SNX22: variants seen among roughly 807,000 people sequenced by gnomAD.
The protein encoded by SNX22 is sorting nexin-22.
SNX22 carries 23 observed loss-of-function variants against 24.7 expected under a neutral mutation model. The ratio of observed to expected loss-of-function variants is 0.93; its 90% CI spans 0.67 to 1.32. The LOEUF (loss-of-function observed/expected upper bound fraction) is 1.32. Ranked by LOEUF, SNX22 falls within the 40% of genes most tolerant of loss-of-function variation. The pLI is 0.00. For synonymous variants in SNX22, 99 were observed against 104.0 expected (o/e 0.95, Z 0.29); for missense variants, 261 against 249.9 (o/e 1.04, Z -0.30).
At chr15:64,153,166 G>A (rs2081499744) in intron 3 of SNX22, 79 bp from the exon 4 acceptor site, 2 of 1,535,698 alleles carry the variant, frequency 1.3e-6, no homozygotes, top group Admixed American at 3.5e-5. Flanking sequence ...TTGGAACAAA[G>A]AGCCCTGCAT....
chr15:64,154,420 T>C lies in SNX22; in HGVS notation c.494T>C (p.Leu165Pro). The change falls in exon 7 of 7, where the codon CTC becomes CCC. Residue 165 changes from leucine (L) to proline (P), a missense_variant. Transcript: ENST00000325881. ...CCCAACGTGGTGGTGAATGGTGTGCTCCAGGGCCTCTACAGCTTCAGCATC... is the reference window on the plus strand; with the variant it reads ...CCCAACGTGGTGGTGAATGGTGTGCCCCAGGGCCTCTACAGCTTCAGCATC... Reference protein sequence around the residue: ...SLPNVVVNGVLQGLYSFSISP... With the variant: ...SLPNVVVNGVPQGLYSFSISP... 2 of 1,614,140 alleles carry C rather than the reference T, an allele frequency of 1.2e-6. No individual in the cohort carries two copies. Among genetic ancestry groups the C allele is most frequent in the Non-Finnish European group, 1.7e-6 (2 of 1,180,014 alleles).
Position 64,156,426 on chromosome 15 carries a change from A to G in SNX22, c.*1918A>G, listed in dbSNP as rs1270847684. The G allele has an allele frequency of 3.6e-5, 22 of 617,826 alleles. No homozygotes were observed. The South Asian group carries it at 4.2e-4, about 12-fold the overall frequency. 38.3% of individuals were successfully genotyped at this position (617,826 alleles called of 1,614,324 possible). A position where few individuals can be genotyped will look rare whatever the true frequency, so the allele number is the denominator to read the frequency against. Reference sequence around the variant, plus strand: ...CCAGGGCATGTGGCTTCTCAGGGACATTGCGTTCAGCTGCACTCTGTATAC... The same window carrying G: ...CCAGGGCATGTGGCTTCTCAGGGACGTTGCGTTCAGCTGCACTCTGTATAC... On this transcript the variant is annotated 3_prime_UTR_variant, in exon 7 of 7. Transcript: ENST00000325881. The surrounding 1 kb of genome is among the most constrained non-coding windows in gnomAD (Gnocchi z 6.4).
chr15:64,153,345 G>C lies in SNX22; in HGVS notation c.359+6G>C. On this transcript the variant is annotated splice_donor_region_variant and intron_variant, in intron 4 of 6. Coordinates refer to ENST00000325881, the MANE Select transcript of SNX22 (RefSeq NM_024798.3). ...CCCAAGGCTAGCAACTGGGGGTAAG[G>C]GGGGCCGATGGCGGGGGCCAGGGGC... is the stretch of plus-strand genomic sequence containing the variant. 1 of 1,613,216 alleles carries C rather than the reference G, an allele frequency of 6.2e-7. No homozygotes were observed.
chr15:64,156,745 C>CA lies in SNX22; in HGVS notation c.*2240dup. ...CTCACCATGCCCTCTAGAACTTTGC[C>CA]AAACACCACATGCTTGCCATCTAGC... On this transcript the variant is annotated 3_prime_UTR_variant, in exon 7 of 7. Transcript: ENST00000325881. The surrounding 1 kb of genome is among the most constrained non-coding windows in gnomAD (Gnocchi z 6.4). 1 of 1,614,194 alleles carries CA rather than the reference C, an allele frequency of 6.2e-7. No homozygotes were observed. The highest frequency in any genetic ancestry group is 2.2e-5 in the East Asian group (1 of 44,886).
At chr15:64,153,712 G>GC (rs1384991422) in intron 5 of SNX22, 28 bp downstream of exon 5, 5 of 1,613,934 alleles carry the variant, frequency 3.1e-6, no homozygotes, top group Non-Finnish European at 4.2e-6. Flanking sequence ...CCCGCGCTTG[G>GC]CCCCTGCTGC....
At position 64,154,087 on chromosome 15, in the gene SNX22, C is replaced by T. The variant is rs776696344; in HGVS notation, c.460+85C>T. The T allele has an allele frequency of 2.0e-5, 33 of 1,613,008 alleles. 1 individual carries two copies. In the Middle Eastern group the frequency reaches 6.6e-4, roughly 32 times the overall value. On this transcript the variant is annotated intron_variant, in intron 6 of 6. Transcript: ENST00000325881. ...CTCCTGGGACCCTCAGACAGCATCT[C>T]CTTCCTGCTGCCCACCTCTGGAGCC...
Position 64,154,956 on chromosome 15 carries a change from CTTTT to C in SNX22, c.*469_*472del, listed in dbSNP as rs759317254. 5.5e-4 allele frequency: 45 copies of C among 81,556 alleles called. No homozygotes were observed. Among genetic ancestry groups the C allele is most frequent in the African/African-American group, 2.2e-3 (41 of 18,952 alleles). The allele number at this position is 81,556 out of a possible 1,614,324, so 5.1% of individuals were successfully genotyped here. ...TCGGGAAGCTGAGGTAGGAGAATCT[CTTTT>C]TTTTTTTTTTTTTTTTTTTTGAGAC... On this transcript the variant is annotated 3_prime_UTR_variant, in exon 7 of 7. Coordinates refer to ENST00000325881, the MANE Select transcript of SNX22 (RefSeq NM_024798.3).
In SNX22 at chr15:64,156,613, G is replaced by A. The variant is rs2081533564; in HGVS notation, c.*2105G>A. Reference sequence around the variant, plus strand: ...TGGACAGGAGCACTGGGCTGCATCTGTGGGTTGGGTCCTTTTGGGAAAGGG... The same window carrying A: ...TGGACAGGAGCACTGGGCTGCATCTATGGGTTGGGTCCTTTTGGGAAAGGG... On this transcript the variant is annotated 3_prime_UTR_variant, in exon 7 of 7. Coordinates refer to ENST00000325881, the MANE Select transcript of SNX22 (RefSeq NM_024798.3). This position sits in a 1 kb window ranked among gnomAD's most constrained non-coding sequence, Gnocchi z 6.4. 5.4e-6 allele frequency: 7 copies of A among 1,295,908 alleles called. No individual in the cohort carries two copies. The highest frequency in any genetic ancestry group is 5.6e-6 in the Non-Finnish European group (5 of 891,076). 80.3% of individuals were successfully genotyped at this position (1,295,908 alleles called of 1,614,324 possible).
chr15:64,151,905 G>T, intron 1 of SNX22, 55 bp downstream of exon 1: 2 of 1,475,136 alleles, frequency 1.4e-6, no homozygotes, highest in Non-Finnish European at 1.8e-6. Context: ...ATTTCCCCGC[G>T]CTGCGCTCAG....
chr15:64,152,496 C>T (rs748845309), intron 2 of SNX22, 142 bp from the exon 3 acceptor site: 2 of 1,195,100 alleles, frequency 1.7e-6, no homozygotes, highest in Non-Finnish European at 2.4e-6. Flanking sequence ...GGGCCTTCCT[C>T]GCCCTCGGCC....
Position 64,154,863 on chromosome 15 carries a change from C to A in SNX22, c.*355C>A, listed in dbSNP as rs528630846. 4.1e-5 allele frequency: 7 copies of A among 169,280 alleles called. No individual in the cohort carries two copies. The South Asian group carries it at 1.1e-3, about 27-fold the overall frequency. The allele number at this position is 169,280 out of a possible 1,614,324, so 10.5% of individuals were successfully genotyped here. On this transcript the variant is annotated 3_prime_UTR_variant, in exon 7 of 7. Transcript: ENST00000325881. ...GACCAGCCTGACCACCATGGAGAAA[C>A]CCCGTCTCTACTAAAAATACAAAAT...
In SNX22 at chr15:64,152,761, G is replaced by A; in HGVS notation, c.264+19G>A. ...CATCCAGGTATGCGAGAGCACAGTT[G>A]GTTGCCCCCCGGCCTTCTGTGCCAG... On this transcript the variant is annotated intron_variant, in intron 3 of 6. Coordinates refer to ENST00000325881, the MANE Select transcript of SNX22 (RefSeq NM_024798.3). 1 of 1,611,260 alleles carries A rather than the reference G, an allele frequency of 6.2e-7. No individual in the cohort carries two copies. The highest frequency in any genetic ancestry group is 2.2e-5 in the East Asian group (1 of 44,866).
Position 64,151,772 on chromosome 15 carries a change from G to A in SNX22, c.-4G>A, listed in dbSNP as rs2081487181. ...CGCGCGGAGCAGCTGGGGCCGGGGC[G>A]CGGATGCTGGAAGTTCACATCCCGT... On this transcript the variant is annotated 5_prime_UTR_variant, in exon 1 of 7. Transcript: ENST00000325881. The A allele has an allele frequency of 6.5e-7, 1 of 1,534,024 alleles. No homozygotes were observed. Among genetic ancestry groups the A allele is most frequent in the Non-Finnish European group, 8.8e-7 (1 of 1,142,684 alleles).
Position 64,155,921 on chromosome 15 carries a change from C to CGCTCCACCAGATGCCA in SNX22, c.*1416_*1431dup. On this transcript the variant is annotated 3_prime_UTR_variant, in exon 7 of 7. Coordinates refer to ENST00000325881, the MANE Select transcript of SNX22 (RefSeq NM_024798.3). ...CTGTGGAATGTGAGGGGAGTGGGTCCGCTCCACCAGATGCCAGCACCGGGG... is the reference window on the plus strand; with the variant it reads ...CTGTGGAATGTGAGGGGAGTGGGTCCGCTCCACCAGATGCCAGCTCCACCAGATGCCAGCACCGGGG... 6.4e-7 allele frequency: 1 copy of CGCTCCACCAGATGCCA among 1,574,128 alleles called. No individual in the cohort carries two copies. The highest frequency in any genetic ancestry group is 8.7e-7 in the Non-Finnish European group (1 of 1,150,358).
At chr15:64,152,845 G>T in intron 3 of SNX22, 103 bp downstream of exon 3, 1 of 975,354 alleles carries the variant, frequency 1.0e-6, no homozygotes, top group Non-Finnish European at 1.6e-6. Flanking sequence ...CACAACTTGG[G>T]GATGTTATTC....
rs746942141 is a variant in SNX22 at position 64,153,336 on chromosome 15, G to C, written c.356G>C (p.Trp119Ser). The C allele has an allele frequency of 1.2e-6, 2 of 1,613,020 alleles. No homozygotes were observed. The highest frequency in any genetic ancestry group is 1.7e-6 in the Non-Finnish European group (2 of 1,179,172). Residue 119 changes from tryptophan to serine, a missense_variant, in exon 4 of 7, where the codon TGG becomes TCG. Trp to Ser is a radical substitution (Grantham distance 177). Coordinates refer to ENST00000325881, the MANE Select transcript of SNX22 (RefSeq NM_024798.3). ...CCCACAGACCCCAAGGCTAGCAACTGGGGGTAAGGGGGGCCGATGGCGGGG... is the reference window on the plus strand; with the variant it reads ...CCCACAGACCCCAAGGCTAGCAACTCGGGGTAAGGGGGGCCGATGGCGGGG... ...HFPTDPKASN[W>S]GTLREFLPGD...
In SNX22 at chr15:64,156,380, TGAG is replaced by T. The variant is rs1335063170; in HGVS notation, c.*1881_*1883del. Reference sequence around the variant, plus strand: ...AGTAAGACCCAGGTTGGGCCAAGGGTGAGGAGGAGGAAGAGGGTGACCAGGGCA... The same window carrying T: ...AGTAAGACCCAGGTTGGGCCAAGGGTGAGGAGGAAGAGGGTGACCAGGGCA... On this transcript the variant is annotated 3_prime_UTR_variant, in exon 7 of 7. Transcript: ENST00000325881. The surrounding 1 kb of genome is among the most constrained non-coding windows in gnomAD (Gnocchi z 6.4). 3.1e-6 allele frequency: 2 copies of T among 651,560 alleles called. No individual in the cohort carries two copies. The highest frequency in any genetic ancestry group is 1.8e-5 in the African/African-American group (1 of 55,242). 40.4% of individuals were successfully genotyped at this position (651,560 alleles called of 1,614,324 possible).
intron 4 of SNX22, 37 bp downstream of exon 4, chr15:64,153,376 G>A (rs1336842760): frequency 1.9e-6 from 3 of 1,612,328 alleles, no homozygotes; most frequent in Non-Finnish European, 1.7e-6. Flanking sequence ...GGGGCTGTCA[G>A]CAGTGAGCAG....
At chr15:64,152,897 A>G (rs1174986402) in intron 3 of SNX22, 155 bp downstream of exon 3, 1 of 655,532 alleles carries the variant, frequency 1.5e-6, no homozygotes, top group South Asian at 1.9e-5. Context: ...TATAGGTCCA[A>G]ACACCCCCCT....
Sources: allele counts gnomAD v4.1 joint callset, GRCh38; gene constraint gnomAD v4.1.1; non-coding constraint Gnocchi (gnomAD v3.1); transcripts MANE v1.5; gene names NCBI Gene and HGNC (gene_info 2026-07-23, HGNC 2026-07-21).